Variants in KANSL1 observed in about 807,000 individuals in gnomAD.
KANSL1 encodes the protein MLL1/MLL complex subunit KANSL1.
A neutral mutation model predicts 103.6 loss-of-function variants in KANSL1; 22 were observed. The observed-to-expected ratio is 0.21, with a 90% CI of 0.15 to 0.30. The LOEUF is 0.30. Ranked by LOEUF, KANSL1 falls within the 10% of genes least tolerant of loss-of-function variation. The probability of loss-of-function intolerance (pLI) is 1.00; values close to 1 mark genes in which losing one functional copy is unlikely to be tolerated. For synonymous variants in KANSL1, 600 were observed against 527.6 expected, an observed-to-expected ratio of 1.14 and a Z score of -1.88; for missense variants, 1,337 against 1,399.8, an observed-to-expected ratio of 0.96 and a Z score of 0.72.
At chr17:46,136,039 G>C (rs1218510467) in intron 2 of KANSL1, among the ~76,000 whole-genome samples, 1 of 152,046 alleles carries the variant, frequency 6.6e-6, no homozygotes, top group Non-Finnish European at 1.5e-5. Context: ...TCCTACACTA[G>C]TTTAAAAAAA....
intron 4 of KANSL1, among the ~76,000 whole-genome samples, chr17:46,077,060 T>C (rs891326292): frequency 6.6e-6 from 1 of 152,182 alleles, no homozygotes; most frequent in Admixed American, 6.5e-5. Flanking sequence ...TACAATGTTT[T>C]TGTTTGTTTG....
intron 1 of KANSL1, among the ~76,000 whole-genome samples, chr17:46,206,205 C>T (rs2696455): frequency 0.11 from 15,285 of 143,364 alleles, 19 homozygotes; most frequent in Middle Eastern, 0.18. Flanking sequence ...CAATGTGATC[C>T]CAGCATACCC....
At chr17:46,167,007 GA>G (rs1159842099) in intron 2 of KANSL1, among the ~76,000 whole-genome samples, 2 of 120,722 alleles carry the variant, frequency 1.7e-5, no homozygotes, top group African/African-American at 3.3e-5. Context: ...ACGGTTGGGA[GA>G]AAAAAAAGAA....
intron 1 of KANSL1, among the ~76,000 whole-genome samples, chr17:46,184,837 CTTTTTTT>C (rs66507225): frequency 2.2e-4 from 28 of 128,256 alleles, no homozygotes; most frequent in Admixed American, 3.2e-4. Flanking sequence ...AGAGTATGTA[CTTTTTTT>C]TTTTTTTTTT....
rs747621748 is a variant in KANSL1 at position 46,171,026 on chromosome 17, C to G, written c.1118G>C (p.Ser373Thr). 5.0e-6 allele frequency: 8 copies of G among 1,614,220 alleles called. No homozygotes were observed. In the Admixed American group the frequency reaches 1.3e-4, roughly 27 times the overall value. Reference protein sequence around the residue: ...TSEGLSNFLKSNSISEELERF... With the variant: ...TSEGLSNFLKTNSISEELERF... Reference sequence around the variant, plus strand: ...CTCCAATTCTTCTGAAATTGAATTGCTTTTCAGAAAGTTGCTAAGTCCCTC... The same window carrying G: ...CTCCAATTCTTCTGAAATTGAATTGGTTTTCAGAAAGTTGCTAAGTCCCTC... Residue 373 changes from serine to threonine, a missense_variant, in exon 2 of 15, where the codon AGC (serine) becomes ACC (threonine). Ser to Thr is a moderately conservative substitution (Grantham distance 58). Coordinates refer to ENST00000432791, the MANE Select transcript of KANSL1 (RefSeq NM_015443.4).
intron 6 of KANSL1, among the ~76,000 whole-genome samples, chr17:46,058,847 G>A: frequency 6.6e-6 from 1 of 151,384 alleles, no homozygotes; most frequent in Non-Finnish European, 1.5e-5. Context: ...AGATTCCAGA[G>A]AGGAAAAGAA....
chr17:46,114,437 A>G (rs1340310439), intron 2 of KANSL1, among the ~76,000 whole-genome samples: 2 of 152,236 alleles, frequency 1.3e-5, no homozygotes, highest in African/African-American at 2.4e-5. Flanking sequence ...AAATATCTGA[A>G]GAGGAAGAAG....
intron 2 of KANSL1, among the ~76,000 whole-genome samples, chr17:46,155,741 T>C (rs904395174): frequency 2.6e-5 from 4 of 152,114 alleles, no homozygotes; most frequent in Admixed American, 6.5e-5. Flanking sequence ...AACACTCTAG[T>C]TCCTACAGTC....
intron 1 of KANSL1, among the ~76,000 whole-genome samples, chr17:46,211,166 T>C (rs1033447397): frequency 7.6e-6 from 1 of 132,162 alleles, no homozygotes; most frequent in Non-Finnish European, 1.6e-5. Context: ...TGCCTTCAAG[T>C]CAAAAAAGGA....
intron 2 of KANSL1, among the ~76,000 whole-genome samples, chr17:46,139,297 A>AAAG (rs2044304448): frequency 3.1e-5 from 1 of 32,084 alleles, no homozygotes. Flanking sequence ...TTCATAGGCC[A>AAAG]AAAAAAAAAA....
At chr17:46,165,548 C>T (rs1381923972) in intron 2 of KANSL1, among the ~76,000 whole-genome samples, 1 of 148,046 alleles carries the variant, frequency 6.8e-6, no homozygotes, top group Non-Finnish European at 1.5e-5. Context: ...TTTCACTCTG[C>T]CACCCAGGAT....
At position 46,039,136 on chromosome 17, in the gene KANSL1, C is replaced by G. The variant is rs770092968; in HGVS notation, c.2283G>C (p.Glu761Asp). ...LDDVGAVPMV[E>D]RVTAPKAERL... ...GCTCTGCTTTTGGCGCTGTCACTCG[C>G]TCCACCATGGGCACGGCCCCCACAT... Residue 761 changes from glutamate (E) to aspartate (D), a missense_variant, in exon 9 of 15, where the codon GAG (glutamate) becomes GAC (aspartate). Physicochemically the swap from Glu to Asp is conservative, Grantham distance 45. Around this residue, in one of 2 missense-constraint regions of KANSL1, gnomAD observed 780 missense variants for 923.4 expected, o/e 0.84. Coordinates refer to ENST00000432791, the MANE Select transcript of KANSL1 (RefSeq NM_015443.4). The G allele has an allele frequency of 6.2e-7, 1 of 1,612,606 alleles. No homozygotes were observed. The highest frequency in any genetic ancestry group is 8.5e-7 in the Non-Finnish European group (1 of 1,179,700).
At chr17:46,118,979 G>C (rs2043161272) in intron 2 of KANSL1, among the ~76,000 whole-genome samples, 2 of 152,338 alleles carry the variant, frequency 1.3e-5, no homozygotes, top group South Asian at 4.1e-4. Flanking sequence ...AACAAAAATT[G>C]TGGTAAAAGA....
At chr17:46,090,605 C>T (rs761066686) in intron 3 of KANSL1, among the ~76,000 whole-genome samples, 1 of 152,146 alleles carries the variant, frequency 6.6e-6, no homozygotes, top group African/African-American at 2.4e-5. Flanking sequence ...AGCAAAGCCA[C>T]GATTAGAAAC....
At chr17:46,119,344 G>A (rs2147173485) in intron 2 of KANSL1, among the ~76,000 whole-genome samples, 1 of 151,468 alleles carries the variant, frequency 6.6e-6, no homozygotes, top group South Asian at 2.1e-4. Flanking sequence ...TTTTGAGATG[G>A]GGAGTCTCGC....
At chr17:46,105,304 T>A (rs2042483694) in intron 2 of KANSL1, among the ~76,000 whole-genome samples, 1 of 152,336 alleles carries the variant, frequency 6.6e-6, no homozygotes, top group African/African-American at 2.4e-5. Context: ...CTGTATGTGA[T>A]ACTAATTTCT....
intron 7 of KANSL1, chr17:46,043,118 G>T (rs1344213908): frequency 6.6e-6 from 1 of 152,176 alleles, no homozygotes; most frequent in Non-Finnish European, 1.5e-5. Flanking sequence ...TATAAAAGAG[G>T]CTCAAGAAAG....
chr17:46,131,972 CA>C (rs2043885086), intron 2 of KANSL1, among the ~76,000 whole-genome samples: 1 of 152,152 alleles, frequency 6.6e-6, no homozygotes, highest in Non-Finnish European at 1.5e-5. Flanking sequence ...ACTAAAAATA[CA>C]AAAATTAACT....
At chr17:46,038,205 A>C in intron 10 of KANSL1, 1 of 258,374 alleles carries the variant, frequency 3.9e-6, no homozygotes, top group Non-Finnish European at 7.3e-6. Context: ...GATTAGGGCC[A>C]CGGAACTGTT....
Sources: allele counts gnomAD v4.1 joint callset (sites outside exome capture counted in the v4.1 genomes callset), GRCh38; gene constraint gnomAD v4.1.1; regional missense constraint gnomAD v4.1.1; transcripts MANE v1.5; gene names NCBI Gene and HGNC (gene_info 2026-07-23, HGNC 2026-07-21).